The following ITM2B variants were observed in gnomAD, a reference collection of about 807,000 sequenced individuals.
The protein encoded by ITM2B is ABri/ADan amyloid peptide.
In ITM2B, 11 loss-of-function variants were observed where a neutral mutation model predicts 27.8. That is an observed-to-expected ratio of 0.40 (90% CI 0.25 to 0.66). The LOEUF is 0.66. Among genes scored for constraint, ITM2B ranks in the 30% least tolerant of loss-of-function variants. ITM2B has a pLI of 0.43. For missense variants in ITM2B, 296 were observed against 328.9 expected, an observed-to-expected ratio of 0.90 and a Z score of 0.77; for synonymous variants, 114 against 114.3, an observed-to-expected ratio of 1.00 and a Z score of 0.02.
chr13:48,240,039 AT>A (rs1310092311), intron 1 of ITM2B, among the ~76,000 whole-genome samples: 1 of 152,170 alleles, frequency 6.6e-6, no homozygotes, highest in Non-Finnish European at 1.5e-5. Context: ...TCTTCAAAAG[AT>A]TTAAATTTTG....
rs1041809040 is a variant in ITM2B, at chr13:48,265,861, A to G, written c.*4637A>G. 9 of 152,130 alleles carry G rather than the reference A, an allele frequency of 5.9e-5. No homozygotes were observed. Among genetic ancestry groups the G allele is most frequent in the African/African-American group, 2.2e-4 (9 of 41,422 alleles). 9.4% of individuals were successfully genotyped at this position (152,130 alleles called of 1,614,324 possible). On this transcript the variant is annotated 3_prime_UTR_variant, in exon 6 of 6. Transcript: ENST00000647800. ...AAGGCTTCTCTTGTTTCTCAGTCTCATAGCATCATCTGTCTCTTTTTTGTG... is the reference window on the plus strand; with the variant it reads ...AAGGCTTCTCTTGTTTCTCAGTCTCGTAGCATCATCTGTCTCTTTTTTGTG...
At chr13:48,250,560 G>T (rs1210773324) in intron 1 of ITM2B, among the ~76,000 whole-genome samples, 2 of 151,794 alleles carry the variant, frequency 1.3e-5, no homozygotes, top group African/African-American at 4.8e-5. Flanking sequence ...GGAGCTTTCA[G>T]TGAGCTGAGA....
rs531268918 is a variant in ITM2B at position 48,242,459 on chromosome 13, G to C, written c.117+8982G>C. 1.3e-4 allele frequency among the ~76,000 whole-genome samples: 20 copies of C among 150,602 alleles called. No homozygotes were observed. In the South Asian group the frequency reaches 4.2e-3, roughly 31 times the overall value. On this transcript the variant is annotated intron_variant, in intron 1 of 5. Coordinates refer to ENST00000647800, the MANE Select transcript of ITM2B (RefSeq NM_021999.5). ...CATCATTCATTAGTTTTCTATTCCA[G>C]ACTGGTTGCACTCATACAAATGTCC...
chr13:48,259,342 G>A (rs1951808828), intron 5 of ITM2B, among the ~76,000 whole-genome samples: 1 of 152,194 alleles, frequency 6.6e-6, no homozygotes, highest in South Asian at 2.1e-4. Flanking sequence ...TTGCCTTTTG[G>A]ATCATATTGG....
At chr13:48,236,091 C>G (rs2137976899) in intron 1 of ITM2B, among the ~76,000 whole-genome samples, 1 of 152,282 alleles carries the variant, frequency 6.6e-6, no homozygotes, top group Non-Finnish European at 1.5e-5. Context: ...GCTATTAATC[C>G]TAACAGCCAT....
In ITM2B at chr13:48,233,447, C is replaced by A. The variant is rs1161066603; in HGVS notation, c.87C>A (p.Ile29=). ...EPKSGEEALI[I]PPDAVAVDCK... Reference sequence around the variant, plus strand: ...AGAGCGGCGAGGAGGCGCTCATCATCCCCCCCGACGCCGTCGCGGTGGACT... The same window carrying A: ...AGAGCGGCGAGGAGGCGCTCATCATACCCCCCGACGCCGTCGCGGTGGACT... Residue 29 remains isoleucine, a synonymous_variant, in exon 1 of 6, where the codon ATC becomes ATA. Coordinates refer to ENST00000647800, the MANE Select transcript of ITM2B (RefSeq NM_021999.5). 3 of 1,521,046 alleles carry A rather than the reference C, an allele frequency of 2.0e-6. No homozygotes were observed. The highest frequency in any genetic ancestry group is 1.7e-4 in the Middle Eastern group (1 of 5,866). 94.2% of individuals were successfully genotyped at this position (1,521,046 alleles called of 1,614,324 possible). A position where few individuals can be genotyped will look rare whatever the true frequency, so the allele number is the denominator to read the frequency against.
At chr13:48,239,389 C>T (rs1951686792) in intron 1 of ITM2B, among the ~76,000 whole-genome samples, 1 of 152,186 alleles carries the variant, frequency 6.6e-6, no homozygotes, top group African/African-American at 2.4e-5. Flanking sequence ...AATCCCAGCA[C>T]TTTGGGATAC....
chr13:48,239,384 C>G (rs114483077), intron 1 of ITM2B, among the ~76,000 whole-genome samples: 2,006 of 152,260 alleles, frequency 0.013, 38 homozygotes, highest in African/African-American at 0.046. Flanking sequence ...CCTGTAATCC[C>G]AGCACTTTGG....
At chr13:48,242,828 A>G (rs1189507238) in intron 1 of ITM2B, among the ~76,000 whole-genome samples, 1 of 151,104 alleles carries the variant, frequency 6.6e-6, no homozygotes, top group Non-Finnish European at 1.5e-5. Context: ...AGCTTTCAAC[A>G]TTTTTATTGA....
chr13:48,256,122 T>C, intron 2 of ITM2B, 55 bp from the exon 3 acceptor site: 3 of 1,330,818 alleles, frequency 2.3e-6, no homozygotes, highest in South Asian at 2.3e-5. Flanking sequence ...GTAATGCTTA[T>C]TTAAAAACCT....
In ITM2B at chr13:48,253,790, G is replaced by A. The variant is rs755306269; in HGVS notation, c.118-18G>A. 1.2e-6 allele frequency: 2 copies of A among 1,612,196 alleles called. No homozygotes were observed. The highest frequency in any genetic ancestry group is 1.7e-6 in the Non-Finnish European group (2 of 1,178,320). On this transcript the variant is annotated intron_variant, in intron 1 of 5. Transcript: ENST00000647800. ...CTGTCTGGAGATAAGATATTTAACT[G>A]TCTTTTTCATATTTTAGGACCCAGA... is the stretch of plus-strand genomic sequence containing the variant.
intron 3 of ITM2B, 45 bp downstream of exon 3, chr13:48,256,428 G>A (rs1430489912): frequency 7.2e-7 from 1 of 1,381,288 alleles, no homozygotes; most frequent in Admixed American, 1.7e-5. Context: ...AGGTTCTGTA[G>A]TTTATGCTTT....
At chr13:48,246,713 C>CA (rs1417503113) in intron 1 of ITM2B, among the ~76,000 whole-genome samples, 1 of 152,106 alleles carries the variant, frequency 6.6e-6, no homozygotes, top group African/African-American at 2.4e-5. Flanking sequence ...GAAGTATACC[C>CA]AGTCATAGCT....
At chr13:48,248,702 G>T (rs1951736895) in intron 1 of ITM2B, among the ~76,000 whole-genome samples, 1 of 152,036 alleles carries the variant, frequency 6.6e-6, no homozygotes, top group East Asian at 1.9e-4. Flanking sequence ...TAGTTGATGA[G>T]CTGGGAAAAA....
intron 2 of ITM2B, among the ~76,000 whole-genome samples, chr13:48,254,226 A>G (rs889568109): frequency 6.6e-6 from 1 of 152,178 alleles, no homozygotes; most frequent in South Asian, 2.1e-4. Flanking sequence ...ACTATAATTA[A>G]GGGTTGAGAG....
rs901362811 is a variant in ITM2B at position 48,233,292 on chromosome 13, C to T, written c.-69C>T. ...GGAGCCCGGCCGTAGAGGCTGCAAT[C>T]GCAGCCGGGAGCCCGCAGCCCGCGC... On this transcript the variant is annotated 5_prime_UTR_variant, in exon 1 of 6. Transcript: ENST00000647800. The T allele has an allele frequency of 4.6e-4, 469 of 1,017,974 alleles. 2 individuals are homozygous for T. The highest frequency in any genetic ancestry group is 2.2e-3 in the Middle Eastern group (9 of 4,036). The allele number at this position is 1,017,974 out of a possible 1,614,324, so 63.1% of individuals were successfully genotyped here.
intron 1 of ITM2B, among the ~76,000 whole-genome samples, chr13:48,249,747 CT>C (rs1376974268): frequency 2.6e-5 from 4 of 151,884 alleles, no homozygotes; most frequent in Non-Finnish European, 4.4e-5. Flanking sequence ...TTTCTATAGG[CT>C]TTTGATTATT....
rs1381840764 is a variant in ITM2B, at chr13:48,261,736, T to G, written c.*512T>G. 1 of 153,110 alleles carries G rather than the reference T, an allele frequency of 6.5e-6. No homozygotes were observed. Among genetic ancestry groups the G allele is most frequent in the Non-Finnish European group, 1.5e-5 (1 of 68,382 alleles). The allele number at this position is 153,110 out of a possible 1,614,324, so 9.5% of individuals were successfully genotyped here. A position where few individuals can be genotyped will look rare whatever the true frequency, so the allele number is the denominator to read the frequency against. On this transcript the variant is annotated 3_prime_UTR_variant, in exon 6 of 6. Coordinates refer to ENST00000647800, the MANE Select transcript of ITM2B (RefSeq NM_021999.5). Reference sequence around the variant, plus strand: ...AACTATTTAGAGAATGATTTCCACCTTTATGTTTTAATATCCTAGGCATCT... The same window carrying G: ...AACTATTTAGAGAATGATTTCCACCGTTATGTTTTAATATCCTAGGCATCT...
intron 3 of ITM2B, among the ~76,000 whole-genome samples, 162 bp from the exon 4 acceptor site, chr13:48,257,964 A>T (rs9332291): frequency 6.6e-6 from 1 of 152,152 alleles, no homozygotes; most frequent in African/African-American, 2.4e-5. Context: ...TCCCATTCCC[A>T]CTTCCAACTT....
Sources: gnomAD v4.1 joint callset for allele counts (sites outside exome capture counted in the v4.1 genomes callset) on GRCh38, gnomAD v4.1.1 for gene constraint, MANE v1.5 for transcripts, NCBI Gene and HGNC (gene_info 2026-07-23, HGNC 2026-07-21) for gene names.